The following USH2A variants were observed in gnomAD, a reference collection of about 807,000 sequenced individuals.
The protein encoded by USH2A is usherin, also known as Usher syndrome 2A (autosomal recessive, mild).
USH2A carries 443 observed loss-of-function variants against 538.9 expected under a neutral mutation model. The ratio of observed to expected loss-of-function variants is 0.82; its 90% CI spans 0.76 to 0.89. The LOEUF is 0.89. Ranked by LOEUF, USH2A falls within the 40% of genes least tolerant of loss-of-function variation. USH2A has a pLI of 0.00. For synonymous variants in USH2A, 2,413 were observed against 2,273.5 expected, an observed-to-expected ratio of 1.06 and a Z score of -1.75; for missense variants, 6,633 against 6,324.8, an observed-to-expected ratio of 1.05 and a Z score of -1.65.
chr1:216,250,930 G>T lies in USH2A; in HGVS notation c.2140C>A (p.Gln714Lys). 2 of 1,613,980 alleles carry T rather than the reference G, an allele frequency of 1.2e-6. No individual in the cohort carries two copies. Among genetic ancestry groups the T allele is most frequent in the Non-Finnish European group, 1.7e-6 (2 of 1,179,978 alleles). Residue 714 changes from glutamine to lysine, a missense_variant, in exon 12 of 72, where the codon CAG becomes AAG. Transcript: ENST00000307340. ...GDITCHQNSG[Q>K]CKCKANVIGL... ...ATAACGTTTGCTTTGCACTTGCACT[G>T]GCCTGAATTTTGGTGACAGGTAATA...
At chr1:215,787,865 G>A (rs752251341) in intron 51 of USH2A, among the ~76,000 whole-genome samples, 106 of 152,120 alleles carry the variant, frequency 7.0e-4, no homozygotes, top group Non-Finnish European at 1.0e-3. Context: ...TCAACATGGC[G>A]AAACCCTGTC....
intron 10 of USH2A, among the ~76,000 whole-genome samples, chr1:216,291,105 T>C (rs1235231716): frequency 6.6e-6 from 1 of 152,004 alleles, no homozygotes; most frequent in Non-Finnish European, 1.5e-5. Context: ...TAACTCATTA[T>C]GCCCCTTTCC....
chr1:215,814,925 G>A (rs1316629706), intron 48 of USH2A, among the ~76,000 whole-genome samples: 4 of 152,050 alleles, frequency 2.6e-5, no homozygotes, highest in Non-Finnish European at 4.4e-5. Flanking sequence ...CAGGTCTTAC[G>A]TTCACTGGGA....
intron 2 of USH2A, among the ~76,000 whole-genome samples, chr1:216,420,366 G>A (rs2039656247): frequency 6.6e-6 from 1 of 152,038 alleles, no homozygotes; most frequent in Non-Finnish European, 1.5e-5. Flanking sequence ...GAGGAAGGCA[G>A]GTAGCAAAAT....
chr1:215,643,570 G>A (rs1656757312), intron 67 of USH2A, among the ~76,000 whole-genome samples: 1 of 151,222 alleles, frequency 6.6e-6, no homozygotes, highest in Admixed American at 6.6e-5. Context: ...CTGTTGCCAA[G>A]GTTGGAGTGC....
intron 32 of USH2A, among the ~76,000 whole-genome samples, chr1:216,016,661 C>G (rs1371716166): frequency 2.0e-5 from 3 of 152,152 alleles, no homozygotes; most frequent in African/African-American, 7.2e-5. Flanking sequence ...GTTATAAGCG[C>G]TTTGAGAACA....
At chr1:215,822,054 G>A (rs1274551761) in intron 47 of USH2A, among the ~76,000 whole-genome samples, 1 of 151,812 alleles carries the variant, frequency 6.6e-6, no homozygotes, top group Admixed American at 6.6e-5. Flanking sequence ...GTAAGGTAGT[G>A]TAATGCCTCC....
intron 35 of USH2A, among the ~76,000 whole-genome samples, chr1:215,986,161 C>G (rs147591219): frequency 6.6e-6 from 1 of 152,042 alleles, no homozygotes; most frequent in Non-Finnish European, 1.5e-5. Context: ...ACTCTGTCAC[C>G]CAGGCTGAAG....
chr1:215,991,250 G>A (rs896616109), intron 35 of USH2A, among the ~76,000 whole-genome samples: 1 of 152,128 alleles, frequency 6.6e-6, no homozygotes, highest in African/African-American at 2.4e-5. Flanking sequence ...ATGTTATAAG[G>A]CAATGTGTAT....
Position 216,275,565 on chromosome 1 carries a change from A to G in USH2A, c.1971+13715T>C, listed in dbSNP as rs545852951. Among the ~76,000 whole-genome samples the G allele has an allele frequency of 2.4e-4, 37 of 152,266 alleles. 2 individuals carry two copies. Among genetic ancestry groups the G allele is most frequent in the African/African-American group, 8.9e-4 (37 of 41,574 alleles). ...GTTAGTTAATTGAATACTTGAAAAT[A>G]TAAATTCCAAATAGATTTTGAGAGG... On this transcript the variant is annotated intron_variant, in intron 11 of 71. Coordinates refer to ENST00000307340, the MANE Select transcript of USH2A (RefSeq NM_206933.4).
intron 14 of USH2A, among the ~76,000 whole-genome samples, chr1:216,225,287 C>T (rs546865263): frequency 6.6e-6 from 1 of 152,184 alleles, no homozygotes; most frequent in Admixed American, 6.6e-5. Context: ...TAAAAAGAAC[C>T]CACTTTTATC....
At chr1:216,018,363 G>A (rs1668766028) in intron 32 of USH2A, among the ~76,000 whole-genome samples, 1 of 152,202 alleles carries the variant, frequency 6.6e-6, no homozygotes, top group South Asian at 2.1e-4. Context: ...GCCTTAGGCT[G>A]AGGACCACAT....
rs575236233 is a variant in USH2A, at chr1:216,265,106, A to G, written c.1972-14008T>C. 8.5e-5 allele frequency among the ~76,000 whole-genome samples: 13 copies of G among 152,156 alleles called. No individual in the cohort carries two copies. The South Asian group carries it at 2.7e-3, about 31-fold the overall frequency. On this transcript the variant is annotated intron_variant, in intron 11 of 71. Transcript: ENST00000307340. ...CAGAATGGAAAAATACTTGCAAGGT[A>G]TTCATCCAAGAAATGTTTAATACCT... is the stretch of plus-strand genomic sequence containing the variant.
At chr1:216,169,397 G>T (rs1431294541) in intron 21 of USH2A, among the ~76,000 whole-genome samples, 1 of 152,096 alleles carries the variant, frequency 6.6e-6, no homozygotes, top group African/African-American at 2.4e-5. Context: ...AAAGGCAAGG[G>T]TTAAAACACA....
rs138315403 is a variant in USH2A at position 216,370,047 on chromosome 1, A to G, written c.652-4962T>C. Among the ~76,000 whole-genome samples the G allele has an allele frequency of 4.0e-3, 610 of 152,300 alleles. 5 individuals carry two copies. Among genetic ancestry groups the G allele is most frequent in the African/African-American group, 0.014 (577 of 41,558 alleles). ...TTCTCCATTTTAAAGATAATTAAAA[A>G]TAAGCACAGAGGATTGAAAACAAAA... On this transcript the variant is annotated intron_variant, in intron 3 of 71. Transcript: ENST00000307340.
intron 53 of USH2A, 132 bp from the exon 54 acceptor site, chr1:215,782,328 T>A: frequency 1.0e-6 from 1 of 999,570 alleles, no homozygotes; most frequent in Admixed American, 2.1e-5. Context: ...CCTATTATAT[T>A]GCTGTCTCAA....
At chr1:215,783,457 T>C (rs2102764091) in intron 52 of USH2A, among the ~76,000 whole-genome samples, 1 of 152,316 alleles carries the variant, frequency 6.6e-6, no homozygotes, top group African/African-American at 2.4e-5. Flanking sequence ...AATGAAAGCA[T>C]ACTCTGCTAT....
chr1:216,027,310 C>T (rs546528721), intron 32 of USH2A, among the ~76,000 whole-genome samples: 6 of 152,092 alleles, frequency 3.9e-5, no homozygotes, highest in Non-Finnish European at 7.4e-5. Flanking sequence ...TGCAAGAAGG[C>T]GGCAATTTGT....
chr1:216,266,255 C>A (rs1383259752), intron 11 of USH2A, among the ~76,000 whole-genome samples: 2 of 151,626 alleles, frequency 1.3e-5, no homozygotes, highest in Admixed American at 6.6e-5. Flanking sequence ...GTGGAAAAAC[C>A]CAGATCAAGG....
Sources: allele counts gnomAD v4.1 joint callset (sites outside exome capture counted in the v4.1 genomes callset), GRCh38; gene constraint gnomAD v4.1.1; transcripts MANE v1.5; gene names NCBI Gene and HGNC (gene_info 2026-07-23, HGNC 2026-07-21).